SLC9C2: variants seen among roughly 807,000 people sequenced by gnomAD.
SLC9C2 encodes the protein solute carrier family 9 member C2 (putative).
SLC9C2 carries 75 observed loss-of-function variants against 140.2 expected under a neutral mutation model. The observed-to-expected ratio is 0.53, with a 90% CI of 0.44 to 0.65. SLC9C2 has a LOEUF of 0.65. Ranked by LOEUF, SLC9C2 falls within the 30% of genes least tolerant of loss-of-function variation. The pLI, the probability that SLC9C2 is intolerant of heterozygous loss-of-function variation, is 0.00. For missense variants in SLC9C2, 1,074 were observed against 1,331.8 expected (o/e 0.81, Z 3.01); for synonymous variants, 375 against 420.9 (o/e 0.89, Z 1.34).
At chr1:173,527,413 G>T (rs1013484502) in intron 18 of SLC9C2, among the ~76,000 whole-genome samples, 1 of 152,196 alleles carries the variant, frequency 6.6e-6, no homozygotes, top group Non-Finnish European at 1.5e-5. Flanking sequence ...TGAGCAGCTA[G>T]TTGGGAAGCC....
At chr1:173,528,881 G>C (rs748576803) in intron 18 of SLC9C2, among the ~76,000 whole-genome samples, 1 of 151,968 alleles carries the variant, frequency 6.6e-6, no homozygotes, top group African/African-American at 2.4e-5. Context: ...CCAAACACTG[G>C]GGGCAAAAAC....
Position 173,533,250 on chromosome 1 carries a change from T to C in SLC9C2, c.2163+359A>G, listed in dbSNP as rs577257108. Among the ~76,000 whole-genome samples, 209 of 151,076 alleles carry C rather than the reference T, an allele frequency of 1.4e-3. 1 individual carries two copies. The highest frequency in any genetic ancestry group is 4.8e-3 in the African/African-American group (201 of 41,506). On this transcript the variant is annotated intron_variant, in intron 17 of 27. Coordinates refer to ENST00000367714, the MANE Select transcript of SLC9C2 (RefSeq NM_178527.4). ...CAATGTAAAAAAAGAATTTTAATACTTTATTTTATTATTATTATTATTTTT... is the reference window on the plus strand; with the variant it reads ...CAATGTAAAAAAAGAATTTTAATACCTTATTTTATTATTATTATTATTTTT...
At chr1:173,559,875 G>C (rs1201517927) in intron 9 of SLC9C2, among the ~76,000 whole-genome samples, 1 of 152,152 alleles carries the variant, frequency 6.6e-6, no homozygotes, top group African/African-American at 2.4e-5. Flanking sequence ...GGGTGGAGCA[G>C]TCTCCTCACC....
In SLC9C2 at chr1:173,583,549, A is replaced by G; in HGVS notation, c.597T>C (p.Phe199=). Residue 199 remains phenylalanine, a synonymous_variant, in exon 6 of 28, where the codon TTT becomes TTC. Transcript: ENST00000367714. The part of the protein sequence containing the change: ...LIICSIASIF[F]GNFRGNRIHF... ...GGATTCTGTTGCCCCGAAAATTTCC[A>G]AAAAAAATTGATGCGATGCTACAAA... 6.3e-7 allele frequency: 1 copy of G among 1,596,940 alleles called. No individual in the cohort carries two copies. The highest frequency in any genetic ancestry group is 2.2e-5 in the East Asian group (1 of 44,584).
chr1:173,522,400 A>G (rs572959963), intron 21 of SLC9C2, among the ~76,000 whole-genome samples: 2 of 152,146 alleles, frequency 1.3e-5, no homozygotes, highest in African/African-American at 4.8e-5. Flanking sequence ...AAGCAAACTG[A>G]ACGTCTGCAG....
At chr1:173,593,134 T>A (rs1193796135) in intron 4 of SLC9C2, among the ~76,000 whole-genome samples, 1 of 151,966 alleles carries the variant, frequency 6.6e-6, no homozygotes, top group Non-Finnish European at 1.5e-5. Flanking sequence ...CACACTGAAG[T>A]ACACAGATCA....
intron 22 of SLC9C2, 93 bp downstream of exon 22, chr1:173,521,208 T>G (rs1380329800): frequency 2.8e-6 from 2 of 719,282 alleles, no homozygotes; most frequent in Admixed American, 7.9e-5. Context: ...AAATTTAAAC[T>G]TTTTCAGTAT....
In SLC9C2 at chr1:173,524,864, T is replaced by C; in HGVS notation, c.2429A>G (p.Asn810Ser). 6.2e-7 allele frequency: 1 copy of C among 1,614,070 alleles called. No individual in the cohort carries two copies. Among genetic ancestry groups the C allele is most frequent in the East Asian group, 2.2e-5 (1 of 44,874 alleles). Residue 810 changes from asparagine (N) to serine (S), a missense_variant, in exon 20 of 28, where the codon AAT becomes AGT. Physicochemically the swap from Asn to Ser is conservative, Grantham distance 46. Coordinates refer to ENST00000367714, the MANE Select transcript of SLC9C2 (RefSeq NM_178527.4). Reference sequence around the variant, plus strand: ...ATTTTTTAGAGCTTTAGCAATCACATTCCGGATTGCCTGTTTAGTCTTCAA... The same window carrying C: ...ATTTTTTAGAGCTTTAGCAATCACACTCCGGATTGCCTGTTTAGTCTTCAA... ...IALKTKQAIR[N>S]VIAKALKNLT...
intron 9 of SLC9C2, among the ~76,000 whole-genome samples, chr1:173,559,467 G>C (rs1246361896): frequency 6.6e-6 from 1 of 152,162 alleles, no homozygotes; most frequent in Admixed American, 6.5e-5. Flanking sequence ...TTTTCAGCAA[G>C]GCCAATGCAT....
At chr1:173,554,998 A>G (rs543326156) in intron 10 of SLC9C2, among the ~76,000 whole-genome samples, 184 bp from the exon 11 acceptor site, 100 of 152,346 alleles carry the variant, frequency 6.6e-4, no homozygotes, top group African/African-American at 2.3e-3. Flanking sequence ...AACACACTAC[A>G]CTGGGGCAGA....
chr1:173,573,938 T>C (rs139470176), intron 8 of SLC9C2, among the ~76,000 whole-genome samples: 76 of 152,328 alleles, frequency 5.0e-4, no homozygotes, highest in African/African-American at 1.7e-3. Flanking sequence ...GCTGACTGTC[T>C]GCACTAATGT....
intron 4 of SLC9C2, among the ~76,000 whole-genome samples, chr1:173,588,399 T>A (rs1425096776): frequency 6.6e-6 from 1 of 152,158 alleles, no homozygotes; most frequent in Non-Finnish European, 1.5e-5. Flanking sequence ...AAAGTCATCC[T>A]CAGGAAAAAA....
chr1:173,566,944 C>A (rs1398908873), intron 9 of SLC9C2, among the ~76,000 whole-genome samples: 1 of 152,020 alleles, frequency 6.6e-6, no homozygotes, highest in African/African-American at 2.4e-5. Context: ...GATGCACTTT[C>A]ATTCAGGAGC....
intron 19 of SLC9C2, among the ~76,000 whole-genome samples, chr1:173,525,180 C>T (rs931804613): frequency 1.9e-4 from 29 of 152,152 alleles, no homozygotes; most frequent in Non-Finnish European, 3.4e-4. Flanking sequence ...GCATCTCCTC[C>T]ATATCTCTAT....
chr1:173,562,582 AT>A (rs1032300087), intron 9 of SLC9C2, among the ~76,000 whole-genome samples: 1 of 152,110 alleles, frequency 6.6e-6, no homozygotes, highest in African/African-American at 2.4e-5. Flanking sequence ...ATTCTTTCTA[AT>A]TTTTCATCTC....
intron 4 of SLC9C2, among the ~76,000 whole-genome samples, chr1:173,590,259 G>GAAAT (rs1571628080): frequency 7.1e-6 from 1 of 141,456 alleles, no homozygotes; most frequent in East Asian, 2.0e-4. Flanking sequence ...AAAAAAAAAA[G>GAAAT]AAATAACAGA....
intron 21 of SLC9C2, 101 bp from the exon 22 acceptor site, chr1:173,521,500 AT>A: frequency 4.1e-6 from 1 of 241,998 alleles, no homozygotes; most frequent in Non-Finnish European, 7.7e-6. Flanking sequence ...TATATATATG[AT>A]TTTATTATAT....
intron 10 of SLC9C2, among the ~76,000 whole-genome samples, chr1:173,556,935 A>G (rs541618494): frequency 1.3e-5 from 2 of 151,532 alleles, no homozygotes; most frequent in African/African-American, 2.4e-5. Flanking sequence ...CTCAAAAAAA[A>G]AAAAAAAGAA....
chr1:173,583,480 A>T (rs1665672196), intron 6 of SLC9C2, 26 bp downstream of exon 6: 1 of 1,289,278 alleles, frequency 7.8e-7, no homozygotes, highest in South Asian at 1.3e-5. Context: ...GATTTTAGAA[A>T]ATATACAGAC....
Sources: gnomAD v4.1 joint callset for allele counts (sites outside exome capture counted in the v4.1 genomes callset) on GRCh38, gnomAD v4.1.1 for gene constraint, MANE v1.5 for transcripts, NCBI Gene and HGNC (gene_info 2026-07-23, HGNC 2026-07-21) for gene names.